The following NTM variants were observed in gnomAD, a reference collection of about 807,000 sequenced individuals.
The protein encoded by NTM is neurotrimin.
In NTM, 13 loss-of-function variants were observed where a neutral mutation model predicts 42.1. That is an observed-to-expected ratio of 0.31 (90% confidence interval 0.20 to 0.49). NTM has a LOEUF of 0.49. Among genes scored for constraint, NTM ranks in the 20% least tolerant of loss-of-function variants. The pLI is 0.99. For missense variants in NTM, 373 were observed against 452.8 expected, an observed-to-expected ratio of 0.82 and a Z score of 1.60; for synonymous variants, 187 against 179.2, an observed-to-expected ratio of 1.04 and a Z score of -0.35.
intron 2 of NTM, among the ~76,000 whole-genome samples, chr11:132,092,982 T>C (rs559388337): frequency 8.5e-5 from 13 of 152,298 alleles, no homozygotes; most frequent in African/African-American, 2.9e-4. Flanking sequence ...CTGGCCCTGA[T>C]CCAATTCATT....
intron 1 of NTM, among the ~76,000 whole-genome samples, chr11:131,439,832 C>T (rs1424860188): frequency 6.6e-6 from 1 of 152,140 alleles, no homozygotes; most frequent in Non-Finnish European, 1.5e-5. Flanking sequence ...TCCAACTAGT[C>T]CCAGTGAGAT....
At chr11:131,463,204 C>A (rs769421405) in intron 1 of NTM, among the ~76,000 whole-genome samples, 47 of 152,320 alleles carry the variant, frequency 3.1e-4, no homozygotes, top group Non-Finnish European at 5.1e-4. Context: ...GGAAAGCAGC[C>A]GGAGATTGTA....
intron 1 of NTM, among the ~76,000 whole-genome samples, chr11:131,432,839 C>CATTTTTTTTTTTT (rs1565494793): frequency 3.5e-4 from 24 of 68,694 alleles, no homozygotes; most frequent in Non-Finnish European, 4.9e-4. Context: ...ATTTAGCATT[C>CATTTTTTTTTTTT]TTTTTTTTTT....
intron 2 of NTM, among the ~76,000 whole-genome samples, chr11:132,016,785 T>C (rs1408080410): frequency 6.6e-6 from 1 of 152,032 alleles, no homozygotes; most frequent in Non-Finnish European, 1.5e-5. Flanking sequence ...TTCTGTTTTC[T>C]CTAAATCCTT....
intron 7 of NTM, among the ~76,000 whole-genome samples, chr11:132,327,305 G>A (rs1045269526): frequency 6.6e-6 from 1 of 152,144 alleles, no homozygotes; most frequent in Non-Finnish European, 1.5e-5. Context: ...TCAGTGGGCT[G>A]GTAAAGGTTG....
At chr11:131,727,017 C>T (rs1438939526) in intron 1 of NTM, among the ~76,000 whole-genome samples, 1 of 151,406 alleles carries the variant, frequency 6.6e-6, no homozygotes, top group African/African-American at 2.5e-5. Context: ...GCTGATTCCC[C>T]TGTCAACCAG....
At chr11:131,977,453 C>T (rs557865490) in intron 2 of NTM, among the ~76,000 whole-genome samples, 12 of 152,270 alleles carry the variant, frequency 7.9e-5, no homozygotes, top group African/African-American at 1.4e-4. Flanking sequence ...ATCACTCAGG[C>T]GCATACCTCT....
chr11:131,617,098 A>G (rs1232845861), intron 1 of NTM, among the ~76,000 whole-genome samples: 2 of 152,110 alleles, frequency 1.3e-5, no homozygotes, highest in East Asian at 3.9e-4. Flanking sequence ...GGACGCTGCG[A>G]GGCTGGGGCA....
intron 4 of NTM, among the ~76,000 whole-genome samples, chr11:132,300,743 C>A (rs761454916): frequency 1.3e-5 from 2 of 152,204 alleles, no homozygotes; most frequent in African/African-American, 2.4e-5. Context: ...CTGTGCCTCT[C>A]AGCACCCATC....
intron 1 of NTM, among the ~76,000 whole-genome samples, chr11:131,692,449 T>C (rs2074908874): frequency 6.6e-6 from 1 of 152,110 alleles, no homozygotes; most frequent in African/African-American, 2.4e-5. Flanking sequence ...CTACCTCCCA[T>C]GCAGATCTCT....
chr11:131,590,175 CT>C (rs761611268), intron 1 of NTM, among the ~76,000 whole-genome samples: 8 of 152,306 alleles, frequency 5.3e-5, no homozygotes, highest in Non-Finnish European at 1.2e-4. Flanking sequence ...CCTCTGTCCC[CT>C]CCCCAGTCAA....
rs1413049925 is a variant in NTM, at chr11:131,878,519, G to A, written c.83-33045G>A. On this transcript the variant is annotated intron_variant, in intron 1 of 8. Coordinates refer to ENST00000683400, the MANE Select transcript of NTM (RefSeq NM_001352005.2). ...CAGGAGGCAGAGGTTGCAGTGACCC[G>A]AGATGGCACCGCTGCACTCCAGCCT... Among the ~76,000 whole-genome samples, 8 of 136,290 alleles carry A rather than the reference G, an allele frequency of 5.9e-5. No homozygotes were observed. The South Asian group carries it at 7.4e-4, about 13-fold the overall frequency. The allele number at this position is 136,290 out of a possible 152,430, so 89.4% of individuals were successfully genotyped here.
At chr11:131,378,068 C>T (rs1942204065) in intron 1 of NTM, among the ~76,000 whole-genome samples, 1 of 152,180 alleles carries the variant, frequency 6.6e-6, no homozygotes, top group Non-Finnish European at 1.5e-5. Context: ...CATAGAATCA[C>T]CTGGGAAACT....
rs185657984 is a variant in NTM at position 131,789,453 on chromosome 11, A to G, written c.83-122111A>G. On this transcript the variant is annotated intron_variant, in intron 1 of 8. Coordinates refer to ENST00000683400, the MANE Select transcript of NTM (RefSeq NM_001352005.2). The stretch of plus-strand genomic sequence containing the variant: ...AGGAAGAAGAAGAAGAAGAAGAAGA[A>G]GAAGAAGAAGAAGAAGAAGAAGAAG... Among the ~76,000 whole-genome samples the G allele has an allele frequency of 6.5e-4, 8 of 12,256 alleles. 1 individual carries two copies. The highest frequency in any genetic ancestry group is 2.2e-3 in the Admixed American group (2 of 890). The allele number at this position is 12,256 out of a possible 152,430, so 8.0% of individuals were successfully genotyped here.
chr11:131,607,449 G>T (rs2061068166), intron 1 of NTM, among the ~76,000 whole-genome samples: 1 of 152,172 alleles, frequency 6.6e-6, no homozygotes, highest in Non-Finnish European at 1.5e-5. Context: ...AATTTTGCAT[G>T]AACAAGTAAT....
At chr11:132,074,373 A>T (rs894401343) in intron 2 of NTM, among the ~76,000 whole-genome samples, 1 of 152,190 alleles carries the variant, frequency 6.6e-6, no homozygotes, top group Non-Finnish European at 1.5e-5. Context: ...ATAAAGAAAT[A>T]TGGGGATTGA....
chr11:131,465,422 G>T (rs891789415), intron 1 of NTM, among the ~76,000 whole-genome samples: 3 of 152,056 alleles, frequency 2.0e-5, no homozygotes, highest in Non-Finnish European at 4.4e-5. Flanking sequence ...TTTTAAACTA[G>T]AAGTACTAGA....
intron 1 of NTM, among the ~76,000 whole-genome samples, chr11:131,856,749 T>A (rs1428829642): frequency 6.6e-6 from 1 of 152,240 alleles, no homozygotes; most frequent in Non-Finnish European, 1.5e-5. Flanking sequence ...TTGAAAATTT[T>A]AAAATATGCC....
At chr11:132,060,585 A>G (rs2080501075) in intron 2 of NTM, among the ~76,000 whole-genome samples, 1 of 152,220 alleles carries the variant, frequency 6.6e-6, no homozygotes, top group Admixed American at 6.5e-5. Context: ...CCATGCAAAA[A>G]ACTTTCGACT....
Sources: gnomAD v4.1 joint callset for allele counts (sites outside exome capture counted in the v4.1 genomes callset) on GRCh38, gnomAD v4.1.1 for gene constraint, MANE v1.5 for transcripts, NCBI Gene and HGNC (gene_info 2026-07-23, HGNC 2026-07-21) for gene names.